BAP1: variants seen among roughly 807,000 people sequenced by gnomAD.
BAP1 encodes BRCA1 associated deubiquitinase 1, also known as ubiquitin carboxyl-terminal hydrolase BAP1.
BAP1 carries 16 observed loss-of-function variants against 77.2 expected under a neutral mutation model. The ratio of observed to expected loss-of-function variants is 0.21; its 90% CI spans 0.14 to 0.31. The LOEUF (loss-of-function observed/expected upper bound fraction) is 0.31, where lower values mean the gene tolerates loss of function less well. Ranked by LOEUF, BAP1 falls within the 10% of genes least tolerant of loss-of-function variation. BAP1 has a pLI of 1.00. For missense variants in BAP1, 699 were observed against 967.3 expected (o/e 0.72, Z 3.68); for synonymous variants, 362 against 385.2 (o/e 0.94, Z 0.71).
At position 52,403,761 on chromosome 3, in the gene BAP1, G is replaced by A. The variant is rs1371815937; in HGVS notation, c.1384C>T (p.Pro462Ser). ...LKESQKDLSI[P>S]LSIKTSSGAG... is the part of the protein sequence containing the mutation. The stretch of plus-strand genomic sequence containing the variant: ...CCGCTGCTAGTCTTGATGGACAGAG[G>A]AATTGAGAGGTCCTTCTGGGACTCT... The change falls in exon 13 of 17, where the codon CCT becomes TCT. Residue 462 changes from proline (P) to serine (S), a missense_variant. Physicochemically the swap from Pro to Ser is moderately conservative, Grantham distance 74 (BLOSUM62 -1). Coordinates refer to ENST00000460680, the MANE Select transcript of BAP1 (RefSeq NM_004656.4). This position sits in a 1 kb window ranked among gnomAD's most constrained non-coding sequence, Gnocchi z 4.0. The A allele has an allele frequency of 1.2e-6, 2 of 1,614,092 alleles. No individual in the cohort carries two copies. The highest frequency in any genetic ancestry group is 1.7e-6 in the Non-Finnish European group (2 of 1,180,030).
chr3:52,409,427 G>T (rs909931974), intron 3 of BAP1, 127 bp downstream of exon 3: 3 of 1,273,804 alleles, frequency 2.4e-6, no homozygotes, highest in Non-Finnish European at 3.4e-6. Context: ...AGAGAGCAAG[G>T]CTGCTGCTTT....
At position 52,405,266 on chromosome 3, in the gene BAP1, G is replaced by A. The variant is rs143659795; in HGVS notation, c.960C>T (p.Cys320=). 705 of 1,613,808 alleles carry A rather than the reference G, an allele frequency of 4.4e-4. 2 individuals carry two copies. In the African/African-American group the frequency reaches 7.3e-3, roughly 17 times the overall value. ...GAGGGCTGTGGGATGGGGCTTGTGCGCATGAACCAGCCGCCTCCTCTGCAC... is the reference window on the plus strand; with the variant it reads ...GAGGGCTGTGGGATGGGGCTTGTGCACATGAACCAGCCGCCTCCTCTGCAC... ...TDGAEEAAGS[C]AQAPSHSPPN... The change falls in exon 11 of 17, where the codon TGC becomes TGT. Residue 320 remains cysteine, a synonymous_variant. Transcript: ENST00000460680.
intron 4 of BAP1, 26 bp from the exon 5 acceptor site, chr3:52,408,103 T>C (rs768572426): frequency 1.9e-6 from 3 of 1,585,322 alleles, no homozygotes; most frequent in East Asian, 4.6e-5. Flanking sequence ...TAGTCACCCA[T>C]ACACAGCACC....
Position 52,403,469 on chromosome 3 carries a change from G to T in BAP1, c.1676C>A (p.Thr559Lys), listed in dbSNP as rs1282721599. The change falls in exon 13 of 17, where the codon ACA becomes AAA. Residue 559 changes from threonine (T) to lysine (K), a missense_variant. Physicochemically the swap from Thr to Lys is moderately conservative, Grantham distance 78. Coordinates refer to ENST00000460680, the MANE Select transcript of BAP1 (RefSeq NM_004656.4). The surrounding 1 kb of genome is among the most constrained non-coding windows in gnomAD (Gnocchi z 4.0). ...ATCCTCAGCCAGGTGCAGCAGGCCT[G>T]TGCTGATGACAGGACCCAGATCACG... is the stretch of plus-strand genomic sequence containing the variant. The part of the protein sequence containing the change: ...AVRDLGPVIS[T>K]GLLHLAEDGV... 1.9e-6 allele frequency: 3 copies of T among 1,613,976 alleles called. No individual in the cohort carries two copies. The highest frequency in any genetic ancestry group is 2.5e-6 in the Non-Finnish European group (3 of 1,179,976).
chr3:52,403,076 A>G lies in BAP1; in HGVS notation c.1890+62T>C, dbSNP rs1705017898. On this transcript the variant is annotated intron_variant, in intron 14 of 16. Transcript: ENST00000460680. The surrounding 1 kb of genome is among the most constrained non-coding windows in gnomAD (Gnocchi z 4.0). Reference sequence around the variant, plus strand: ...CCAATCAAGAACTTGGCACCTGGGCAGGAGGAGCTCAGGCCTTACCCTCTG... The same window carrying G: ...CCAATCAAGAACTTGGCACCTGGGCGGGAGGAGCTCAGGCCTTACCCTCTG... 3 of 1,604,116 alleles carry G rather than the reference A, an allele frequency of 1.9e-6. No individual in the cohort carries two copies. Among genetic ancestry groups the G allele is most frequent in the Non-Finnish European group, 2.5e-6 (3 of 1,178,448 alleles).
chr3:52,407,560 G>C, intron 5 of BAP1, 100 bp from the exon 6 acceptor site: 1 of 1,510,070 alleles, frequency 6.6e-7, no homozygotes, highest in Non-Finnish European at 9.2e-7. Flanking sequence ...GGCATTCCAG[G>C]AATCGGAAGG....
chr3:52,406,191 G>T lies in BAP1; in HGVS notation c.783+62C>A. 6.3e-7 allele frequency: 1 copy of T among 1,599,018 alleles called. No homozygotes were observed. Among genetic ancestry groups the T allele is most frequent in the South Asian group, 1.1e-5 (1 of 90,564 alleles). On this transcript the variant is annotated intron_variant, in intron 9 of 16. Coordinates refer to ENST00000460680, the MANE Select transcript of BAP1 (RefSeq NM_004656.4). This position sits in a 1 kb window ranked among gnomAD's most constrained non-coding sequence, Gnocchi z 4.6. ...CGAATCAGAGACAAATGCTGTGGGG[G>T]AAGGGAGGAGGAATGCAGGGAGGGT...
rs387906848 is a variant in BAP1, at chr3:52,402,608, G to A, written c.2050C>T (p.Gln684Ter). The A allele has an allele frequency of 6.2e-7, 1 of 1,614,154 alleles. No individual in the cohort carries two copies. The change falls in exon 16 of 17, where the codon CAG (glutamine) becomes TAG (stop). Residue 684 changes from glutamine to a stop codon, truncating the protein, a stop_gained. Coordinates refer to ENST00000460680, the MANE Select transcript of BAP1 (RefSeq NM_004656.4). LOFTEE classifies it high-confidence loss of function. This position sits in a 1 kb window ranked among gnomAD's most constrained non-coding sequence, Gnocchi z 5.3. ...CAGCAGCGCATCCCCTCACCTTCCT[G>A]AGCCAGCATGGAGATAAAGGTGCAG... ...FICTFISMLA[Q>*]EGMLANLVEQ...
chr3:52,402,203 C>T lies in BAP1; in HGVS notation c.*85G>A. The T allele has an allele frequency of 6.5e-7, 1 of 1,545,170 alleles. No homozygotes were observed. The highest frequency in any genetic ancestry group is 8.7e-7 in the Non-Finnish European group (1 of 1,146,196). On this transcript the variant is annotated 3_prime_UTR_variant, in exon 17 of 17. Coordinates refer to ENST00000460680, the MANE Select transcript of BAP1 (RefSeq NM_004656.4). The surrounding 1 kb of genome is among the most constrained non-coding windows in gnomAD (Gnocchi z 5.3). ...CTCCAGCTGGGACTATTCAGTAATA[C>T]TGGGAAAAGGGGAAGTGGGGCAGGG...
chr3:52,405,618 G>T (rs754127712), intron 10 of BAP1, 147 bp downstream of exon 10: 98 of 1,302,662 alleles, frequency 7.5e-5, no homozygotes, highest in Non-Finnish European at 1.0e-4. Flanking sequence ...TTTCTTTAGG[G>T]AAGGACTGCT....
Position 52,406,047 on chromosome 3 carries a change from A to G in BAP1, c.784-135T>C. 1.3e-6 allele frequency: 2 copies of G among 1,500,058 alleles called. No homozygotes were observed. 92.9% of individuals were successfully genotyped at this position (1,500,058 alleles called of 1,614,324 possible). A position where few individuals can be genotyped will look rare whatever the true frequency, so the allele number is the denominator to read the frequency against. On this transcript the variant is annotated intron_variant, in intron 9 of 16. Transcript: ENST00000460680. The surrounding 1 kb of genome is among the most constrained non-coding windows in gnomAD (Gnocchi z 4.6). ...ACTCACAGGGAAATAAAACACCCAA[A>G]CCCAAACTTCCTTTTAGAAGCTATT...
rs1704988651 is a variant in BAP1 at position 52,402,432 on chromosome 3, G to A, written c.2057-11C>T. On this transcript the variant is annotated splice_polypyrimidine_tract_variant and intron_variant, in intron 16 of 16. Transcript: ENST00000460680. This position sits in a 1 kb window ranked among gnomAD's most constrained non-coding sequence, Gnocchi z 5.3. ...GGTTGGCCAGCATGCCTGCGAAGAG[G>A]TAGAGACCCTTGAGCAGGTGCTGGC... 2 of 1,568,830 alleles carry A rather than the reference G, an allele frequency of 1.3e-6. No homozygotes were observed. The highest frequency in any genetic ancestry group is 1.7e-6 in the Non-Finnish European group (2 of 1,157,952).
At position 52,402,974 on chromosome 3, in the gene BAP1, A is replaced by G; in HGVS notation, c.1891-103T>C. The stretch of plus-strand genomic sequence containing the variant: ...AAGGATGAGCAGCGAGTCCATGCCT[A>G]TCAAGGCCCCTGCCACCACCCAACC... On this transcript the variant is annotated intron_variant, in intron 14 of 16. Coordinates refer to ENST00000460680, the MANE Select transcript of BAP1 (RefSeq NM_004656.4). This position sits in a 1 kb window ranked among gnomAD's most constrained non-coding sequence, Gnocchi z 5.3. 6.2e-7 allele frequency: 1 copy of G among 1,602,504 alleles called. No individual in the cohort carries two copies. The highest frequency in any genetic ancestry group is 8.5e-7 in the Non-Finnish European group (1 of 1,178,478).
In BAP1 at chr3:52,408,570, G is replaced by C. The variant is rs187643606; in HGVS notation, c.159C>G (p.Ile53Met). Residue 53 changes from isoleucine (I) to methionine (M), a missense_variant, in exon 4 of 17, where the codon ATC becomes ATG. Transcript: ENST00000460680. ...CCTTTCGCCGGGACCGGCGCTCTTC[G>C]ATCCATTTGAACAGGAAGATAAATC... The part of the protein sequence containing the change: ...VYGFIFLFKW[I>M]EERRSRRKVS... The C allele has an allele frequency of 6.2e-7, 1 of 1,610,082 alleles. No homozygotes were observed. Among genetic ancestry groups the C allele is most frequent in the Non-Finnish European group, 8.5e-7 (1 of 1,178,302 alleles).
chr3:52,409,192 A>C (rs1491002864), intron 3 of BAP1, among the ~76,000 whole-genome samples: 1 of 152,262 alleles, frequency 6.6e-6, no homozygotes, highest in Non-Finnish European at 1.5e-5. Flanking sequence ...ATACAGGATG[A>C]CTTTGTGTCA....
chr3:52,402,356 G>A lies in BAP1; in HGVS notation c.2122C>T (p.Arg708Trp), dbSNP rs1345279795. The A allele has an allele frequency of 1.9e-6, 3 of 1,582,150 alleles. No individual in the cohort carries two copies. The highest frequency in any genetic ancestry group is 1.7e-4 in the Middle Eastern group (1 of 6,016). Reference sequence around the variant, plus strand: ...TCAGGCTTCCGCTGCTTGTGGAGCCGGCCGATGCTGACCCCTTGGCGCCGC... The same window carrying A: ...TCAGGCTTCCGCTGCTTGTGGAGCCAGCCGATGCTGACCCCTTGGCGCCGC... Reference protein sequence around the residue: ...VRRRQGVSIGRLHKQRKPDRR... With the variant: ...VRRRQGVSIGWLHKQRKPDRR... Residue 708 changes from arginine (R) to tryptophan (W), a missense_variant, in exon 17 of 17, where the codon CGG (arginine) becomes TGG (tryptophan). Physicochemically the swap from Arg to Trp is moderately radical, Grantham distance 101. Coordinates refer to ENST00000460680, the MANE Select transcript of BAP1 (RefSeq NM_004656.4). The surrounding 1 kb of genome is among the most constrained non-coding windows in gnomAD (Gnocchi z 5.3).
In BAP1 at chr3:52,408,200, C is replaced by T. The variant is rs535181654; in HGVS notation, c.256-123G>A. On this transcript the variant is annotated intron_variant, in intron 4 of 16. Transcript: ENST00000460680. ...ATCTGGACAACTCCCCTTCTCAGCT[C>T]CTTTCATCTTTGCCTAATGTTTATT... The T allele has an allele frequency of 7.5e-6, 11 of 1,468,078 alleles. No homozygotes were observed. The East Asian group carries it at 9.9e-5, about 13-fold the overall frequency. The allele number at this position is 1,468,078 out of a possible 1,614,324, so 90.9% of individuals were successfully genotyped here.
At chr3:52,404,657 A>G (rs1307495641) in intron 11 of BAP1, 71 bp from the exon 12 acceptor site, 1 of 1,559,106 alleles carries the variant, frequency 6.4e-7, no homozygotes, top group African/African-American at 1.4e-5. Flanking sequence ...ACTCACAGCC[A>G]GAGAGAAAGC....
chr3:52,405,690 C>G (rs1172065740), intron 10 of BAP1, 75 bp downstream of exon 10: 2 of 1,587,218 alleles, frequency 1.3e-6, no homozygotes, highest in African/African-American at 2.7e-5. Context: ...AAAAGACTTT[C>G]CCTGTTTAGG....
Sources: gnomAD v4.1 joint callset for allele counts (sites outside exome capture counted in the v4.1 genomes callset) on GRCh38, gnomAD v4.1.1 for gene constraint, Gnocchi (gnomAD v3.1) non-coding constraint, MANE v1.5 for transcripts, NCBI Gene and HGNC (gene_info 2026-07-23, HGNC 2026-07-21) for gene names.